The following MARCHF4 variants were observed in gnomAD, a reference collection of about 807,000 sequenced individuals.
The protein encoded by MARCHF4 is membrane associated ring-CH-type finger 4, also known as E3 ubiquitin-protein ligase MARCHF4.
MARCHF4 carries 14 observed loss-of-function variants against 43.9 expected under a neutral mutation model. That is an observed-to-expected ratio of 0.32 (90% CI 0.21 to 0.50). The LOEUF is 0.50. Among genes scored for constraint, MARCHF4 ranks in the 20% least tolerant of loss-of-function variants. The pLI is 0.98. For synonymous variants in MARCHF4, 226 were observed against 213.3 expected, an observed-to-expected ratio of 1.06 and a Z score of -0.52; for missense variants, 468 against 536.7, an observed-to-expected ratio of 0.87 and a Z score of 1.27.
intron 1 of MARCHF4, among the ~76,000 whole-genome samples, chr2:216,322,771 A>G (rs1007795307): frequency 1.3e-5 from 2 of 152,154 alleles, no homozygotes; most frequent in Non-Finnish European, 2.9e-5. Context: ...GCAGTGAGCC[A>G]AGATCCTGCC....
intron 1 of MARCHF4, among the ~76,000 whole-genome samples, chr2:216,362,283 T>C (rs1292793829): frequency 6.6e-6 from 1 of 152,044 alleles, no homozygotes; most frequent in Non-Finnish European, 1.5e-5. Context: ...TTTTCGTTTA[T>C]ACACACACAC....
At chr2:216,348,151 C>T (rs1278512219) in intron 1 of MARCHF4, among the ~76,000 whole-genome samples, 1 of 151,588 alleles carries the variant, frequency 6.6e-6, no homozygotes, top group Non-Finnish European at 1.5e-5. Flanking sequence ...GATTCTCCTG[C>T]CTCAGCCTCC....
chr2:216,343,151 C>G (rs2105975432), intron 1 of MARCHF4, among the ~76,000 whole-genome samples: 1 of 152,260 alleles, frequency 6.6e-6, no homozygotes, highest in East Asian at 1.9e-4. Flanking sequence ...ATTCAGCAGG[C>G]AATAGAGAGC....
At chr2:216,350,946 C>T (rs1211014114) in intron 1 of MARCHF4, among the ~76,000 whole-genome samples, 1 of 152,138 alleles carries the variant, frequency 6.6e-6, no homozygotes, top group Non-Finnish European at 1.5e-5. Context: ...GTAGAAAGAG[C>T]ATTGAACTTG....
At chr2:216,297,602 C>A (rs371154207) in intron 1 of MARCHF4, among the ~76,000 whole-genome samples, 2 of 152,202 alleles carry the variant, frequency 1.3e-5, no homozygotes, top group African/African-American at 4.8e-5. Flanking sequence ...ACGTCCGCCT[C>A]CCCTGGGTTC....
intron 1 of MARCHF4, among the ~76,000 whole-genome samples, chr2:216,331,759 G>C (rs1692084207): frequency 6.6e-6 from 1 of 152,022 alleles, no homozygotes; most frequent in East Asian, 1.9e-4. Flanking sequence ...ATGAGAAAAA[G>C]GTTTAATATT....
intron 1 of MARCHF4, among the ~76,000 whole-genome samples, chr2:216,334,442 C>A (rs962074107): frequency 6.6e-6 from 1 of 151,924 alleles, no homozygotes. Context: ...GCTCTGTTGC[C>A]CAGGGTGGAG....
At chr2:216,289,017 A>G (rs1335626425) in intron 1 of MARCHF4, among the ~76,000 whole-genome samples, 1 of 145,692 alleles carries the variant, frequency 6.9e-6, no homozygotes, top group Non-Finnish European at 1.5e-5. Context: ...ATATATCTAT[A>G]TATGAAAATA....
At chr2:216,363,128 C>A (rs1159745505) in intron 1 of MARCHF4, among the ~76,000 whole-genome samples, 2 of 152,134 alleles carry the variant, frequency 1.3e-5, no homozygotes, top group Non-Finnish European at 2.9e-5. Context: ...TCTCCTTTTT[C>A]TCTCCCAGCC....
At chr2:216,308,840 C>T (rs1385531773) in intron 1 of MARCHF4, among the ~76,000 whole-genome samples, 1 of 152,206 alleles carries the variant, frequency 6.6e-6, no homozygotes, top group African/African-American at 2.4e-5. Flanking sequence ...TGGTTTGATT[C>T]TAATTATACA....
At chr2:216,306,851 C>T (rs1351851082) in intron 1 of MARCHF4, among the ~76,000 whole-genome samples, 1 of 151,724 alleles carries the variant, frequency 6.6e-6, no homozygotes, top group Non-Finnish European at 1.5e-5. Context: ...CTTTTTTTTC[C>T]CCTACTGTAC....
intron 1 of MARCHF4, chr2:216,303,697 C>T (rs1691533789): frequency 6.6e-6 from 1 of 152,066 alleles, no homozygotes; most frequent in Admixed American, 6.5e-5. Flanking sequence ...CTCCACCTGC[C>T]AAGTGAGCAA....
chr2:216,289,240 C>CG (rs1470826461), intron 1 of MARCHF4, among the ~76,000 whole-genome samples: 2 of 138,490 alleles, frequency 1.4e-5, no homozygotes, highest in African/African-American at 5.4e-5. Flanking sequence ...CCCACCCGCC[C>CG]CCCACCCAAG....
At chr2:216,278,233 T>C (rs1425853954) in intron 2 of MARCHF4, among the ~76,000 whole-genome samples, 1 of 151,992 alleles carries the variant, frequency 6.6e-6, no homozygotes, top group African/African-American at 2.4e-5. Flanking sequence ...TTTATTTATT[T>C]ATTTATTTTG....
Position 216,372,448 on chromosome 2 carries a change from C to G in MARCHF4, c.-2188G>C, listed in dbSNP as rs915092611. 1.3e-5 allele frequency among the ~76,000 whole-genome samples: 2 copies of G among 151,402 alleles called. No homozygotes were observed. The highest frequency in any genetic ancestry group is 2.9e-5 in the Non-Finnish European group (2 of 67,906). On this transcript the variant is annotated 5_prime_UTR_variant, in exon 1 of 4. Coordinates refer to ENST00000273067, the MANE Select transcript of MARCHF4 (RefSeq NM_020814.3). ...GGAAAGGGGATGAGAGGAAAAGAAG[C>G]TGGAGGGAGAGGGAGCAAGAGGAGG...
rs1377709381 is a variant in MARCHF4, at chr2:216,330,922, T to G, written c.516+38823A>C. Among the ~76,000 whole-genome samples, 3 of 151,990 alleles carry G rather than the reference T, an allele frequency of 2.0e-5. 1 individual carries two copies. Among genetic ancestry groups the G allele is most frequent in the African/African-American group, 7.2e-5 (3 of 41,398 alleles). ...ATCTAAGTATTCATTGAATAATGTT[T>G]TAAAAGAACGGCAAATTAAACTCAA... is the stretch of plus-strand genomic sequence containing the variant. On this transcript the variant is annotated intron_variant, in intron 1 of 3. Transcript: ENST00000273067.
chr2:216,358,378 C>G (rs1340592259), intron 1 of MARCHF4, among the ~76,000 whole-genome samples: 1 of 152,148 alleles, frequency 6.6e-6, no homozygotes, highest in Non-Finnish European at 1.5e-5. Context: ...TTTTCTATTT[C>G]CCAAATTCTT....
chr2:216,340,061 C>A (rs1692213546), intron 1 of MARCHF4, among the ~76,000 whole-genome samples: 2 of 152,252 alleles, frequency 1.3e-5, no homozygotes, highest in Non-Finnish European at 2.9e-5. Context: ...CCGCCTCTCC[C>A]TTTCCCAAAC....
At chr2:216,330,729 G>A (rs1002977328) in intron 1 of MARCHF4, among the ~76,000 whole-genome samples, 19 of 151,856 alleles carry the variant, frequency 1.3e-4, no homozygotes, top group African/African-American at 3.9e-4. Flanking sequence ...AAATATCACC[G>A]AATATTAATA....
Sources: gnomAD v4.1 joint callset for allele counts (sites outside exome capture counted in the v4.1 genomes callset) on GRCh38, gnomAD v4.1.1 for gene constraint, MANE v1.5 for transcripts, NCBI Gene and HGNC (gene_info 2026-07-23, HGNC 2026-07-21) for gene names.